RELN: variants seen among roughly 807,000 people sequenced by gnomAD.
The protein encoded by RELN is reelin.
A neutral mutation model predicts 427.6 loss-of-function variants in RELN; 108 were observed. That is an observed-to-expected ratio of 0.25 (90% confidence interval 0.22 to 0.30). RELN has a LOEUF of 0.30. Among genes scored for constraint, RELN ranks in the 10% least tolerant of loss-of-function variants. RELN has a pLI of 1.00. For synonymous variants in RELN, 1,524 were observed against 1,513.4 expected (o/e 1.01, Z -0.16); for missense variants, 3,715 against 4,302.8 (o/e 0.86, Z 3.82).
intron 1 of RELN, among the ~76,000 whole-genome samples, chr7:103,924,136 G>A (rs1045559011): frequency 6.6e-6 from 1 of 152,104 alleles, no homozygotes; most frequent in African/African-American, 2.4e-5. Context: ...GGTGGCAGGT[G>A]CTTGATCTTT....
intron 10 of RELN, among the ~76,000 whole-genome samples, chr7:103,688,267 A>G (rs1280290969): frequency 1.3e-5 from 2 of 152,170 alleles, no homozygotes; most frequent in South Asian, 2.1e-4. Flanking sequence ...TATCCTCATT[A>G]GAAAGCCACC....
chr7:103,676,867 C>T (rs1833538509), intron 11 of RELN, among the ~76,000 whole-genome samples: 1 of 151,758 alleles, frequency 6.6e-6, no homozygotes, highest in Admixed American at 6.6e-5. Flanking sequence ...GGGTGGTGAA[C>T]ATCACACAGC....
chr7:103,710,329 C>A (rs73712212), intron 8 of RELN, among the ~76,000 whole-genome samples: 17,364 of 152,170 alleles, frequency 0.11, 1,094 homozygotes, highest in Middle Eastern at 0.28. Flanking sequence ...TAAGAAGAAG[C>A]TGAGTTGGAA....
At chr7:103,829,449 G>T (rs1793223237) in intron 3 of RELN, among the ~76,000 whole-genome samples, 1 of 151,804 alleles carries the variant, frequency 6.6e-6, no homozygotes, top group Admixed American at 6.6e-5. Context: ...AGTCACTGAA[G>T]ACTATAATCA....
chr7:103,832,186 G>C (rs1250534868), intron 3 of RELN, among the ~76,000 whole-genome samples: 1 of 152,138 alleles, frequency 6.6e-6, no homozygotes, highest in East Asian at 1.9e-4. Context: ...GTAAATTTTA[G>C]AGTACACAGG....
intron 3 of RELN, among the ~76,000 whole-genome samples, chr7:103,832,513 C>G (rs1793298651): frequency 6.6e-6 from 1 of 152,028 alleles, no homozygotes. Flanking sequence ...ATGTTTGTAG[C>G]TAAATAAGTG....
rs112688773 is a variant in RELN at position 103,814,458 on chromosome 7, G to T, written c.473+19079C>A. Among the ~76,000 whole-genome samples the T allele has an allele frequency of 2.9e-3, 449 of 152,278 alleles. 3 individuals are homozygous for T. Among genetic ancestry groups the T allele is most frequent in the African/African-American group, 0.01 (434 of 41,556 alleles). On this transcript the variant is annotated intron_variant, in intron 3 of 64. Transcript: ENST00000428762. The stretch of plus-strand genomic sequence containing the variant: ...TTTATTGGAAAGAATATAGTTATCT[G>T]CAAGTAAGCCTGTTCCAGAAAACCA...
chr7:103,629,433 T>TA (rs1329912713), intron 20 of RELN, among the ~76,000 whole-genome samples: 79 of 152,302 alleles, frequency 5.2e-4, no homozygotes, highest in African/African-American at 1.8e-3. Flanking sequence ...TAACATGGAT[T>TA]AAAAAGGAGA....
intron 1 of RELN, among the ~76,000 whole-genome samples, chr7:103,977,701 T>C (rs913903951): frequency 8.5e-5 from 13 of 152,182 alleles, no homozygotes; most frequent in Non-Finnish European, 1.6e-4. Context: ...CCCTTCTCCT[T>C]GAGACACGAA....
intron 11 of RELN, among the ~76,000 whole-genome samples, chr7:103,663,036 T>TCC (rs397799231): frequency 1.3e-5 from 2 of 151,924 alleles, no homozygotes; most frequent in African/African-American, 2.4e-5. Context: ...TAAAACATTC[T>TCC]GTCAGCCCTC....
At chr7:103,835,514 G>A (rs984930997) in intron 2 of RELN, among the ~76,000 whole-genome samples, 1 of 152,210 alleles carries the variant, frequency 6.6e-6, no homozygotes, top group Non-Finnish European at 1.5e-5. Flanking sequence ...GAGGCAGGAT[G>A]TTGACGGTAG....
intron 3 of RELN, among the ~76,000 whole-genome samples, chr7:103,813,524 TTAAGAA>T (rs1792794943): frequency 1.6e-5 from 2 of 128,508 alleles, no homozygotes; most frequent in African/African-American, 2.5e-5. Flanking sequence ...TATACTTAAT[TTAAGAA>T]TATTTATAAT....
At chr7:103,484,852 G>A (rs1172824820) in intron 61 of RELN, among the ~76,000 whole-genome samples, 1 of 152,120 alleles carries the variant, frequency 6.6e-6, no homozygotes, top group African/African-American at 2.4e-5. Context: ...ATCTGGATGG[G>A]GATAAATTAT....
intron 1 of RELN, among the ~76,000 whole-genome samples, chr7:103,985,729 A>T (rs1456756571): frequency 6.6e-6 from 1 of 152,062 alleles, no homozygotes; most frequent in Admixed American, 6.5e-5. Context: ...CAAGGCGAGG[A>T]GTGGCAAACA....
At chr7:103,663,651 T>C (rs4729926) in intron 11 of RELN, among the ~76,000 whole-genome samples, 1 of 152,196 alleles carries the variant, frequency 6.6e-6, no homozygotes, top group East Asian at 1.9e-4. Context: ...CTACTATTGC[T>C]GCCAGGCTTA....
rs1234545922 is a variant in RELN, at chr7:103,535,339, A to G, written c.7326T>C (p.Thr2442=). Residue 2442 remains threonine, a synonymous_variant, in exon 46 of 65, where the codon ACT becomes ACC. Coordinates refer to ENST00000428762, the MANE Select transcript of RELN (RefSeq NM_005045.4). ...ACCTGGTATAAGGAGGGAGAGGCAG[A>G]GTGATTCTAGTCCACTTGTTGAAAG... ...SDTFNKWTRI[T]LPLPPYTRSQ... 6.2e-7 allele frequency: 1 copy of G among 1,614,014 alleles called. No individual in the cohort carries two copies. The highest frequency in any genetic ancestry group is 2.2e-5 in the East Asian group (1 of 44,876).
intron 11 of RELN, among the ~76,000 whole-genome samples, chr7:103,677,779 A>AAG (rs1337593536): frequency 6.6e-6 from 1 of 150,426 alleles, no homozygotes; most frequent in Non-Finnish European, 1.5e-5. Flanking sequence ...AAAAAAAAAA[A>AAG]AAAAAAAAAA....
At chr7:103,980,699 AAT>A (rs1297695623) in intron 1 of RELN, among the ~76,000 whole-genome samples, 9 of 152,218 alleles carry the variant, frequency 5.9e-5, no homozygotes, top group African/African-American at 2.2e-4. Flanking sequence ...TACATGAATT[AAT>A]ATGTGTAAAG....
At chr7:103,585,032 A>G (rs1562905730) in intron 28 of RELN, among the ~76,000 whole-genome samples, 1 of 152,170 alleles carries the variant, frequency 6.6e-6, no homozygotes, top group African/African-American at 2.4e-5. Context: ...TAGGGACACA[A>G]CATACCAAAA....
Sources: allele counts gnomAD v4.1 joint callset (sites outside exome capture counted in the v4.1 genomes callset), GRCh38; gene constraint gnomAD v4.1.1; transcripts MANE v1.5; gene names NCBI Gene and HGNC (gene_info 2026-07-23, HGNC 2026-07-21).